Variants in SLC25A26 observed in about 807,000 individuals in gnomAD.
SLC25A26 encodes mitochondrial S-adenosylmethionine carrier protein.
A neutral mutation model predicts 37.8 loss-of-function variants in SLC25A26; 36 were observed. That is an observed-to-expected ratio of 0.95 (90% CI 0.73 to 1.26). The LOEUF (loss-of-function observed/expected upper bound fraction) is 1.26, where lower values mean the gene tolerates loss of function less well. SLC25A26 is among the 50% of genes most tolerant of loss of function. The probability of loss-of-function intolerance (pLI) is 0.00; values close to 1 mark genes in which losing one functional copy is unlikely to be tolerated. For synonymous variants in SLC25A26, 129 were observed against 122.5 expected (o/e 1.05, Z -0.35); for missense variants, 390 against 331.1 (o/e 1.18, Z -1.38).
chr3:66,294,436 C>T (rs1050250395), intron 5 of SLC25A26, among the ~76,000 whole-genome samples: 2 of 152,056 alleles, frequency 1.3e-5, no homozygotes, highest in Admixed American at 6.6e-5. Context: ...ATGGGGTTTT[C>T]TAGATATATG....
intron 3 of SLC25A26, among the ~76,000 whole-genome samples, chr3:66,253,777 C>G (rs1433734284): frequency 1.3e-5 from 2 of 152,186 alleles, no homozygotes; most frequent in African/African-American, 4.8e-5. Context: ...CCATTGCCAC[C>G]TCCTCAACGT....
chr3:66,291,045 G>A (rs1212459302), intron 5 of SLC25A26, among the ~76,000 whole-genome samples: 1 of 152,128 alleles, frequency 6.6e-6, no homozygotes, highest in Non-Finnish European at 1.5e-5. Context: ...AGTCTTGGGA[G>A]GGTGTATGGG....
At chr3:66,176,102 TTG>T (rs2070582627) in intron 1 of SLC25A26, among the ~76,000 whole-genome samples, 1 of 152,152 alleles carries the variant, frequency 6.6e-6, no homozygotes, top group Non-Finnish European at 1.5e-5. Flanking sequence ...AATGGAATCT[TTG>T]AAAAAACACA....
chr3:66,355,758 C>G (rs2107779699), intron 6 of SLC25A26, among the ~76,000 whole-genome samples: 1 of 152,312 alleles, frequency 6.6e-6, no homozygotes, highest in Non-Finnish European at 1.5e-5. Context: ...ATAGCTTGAT[C>G]AACTACAGTA....
chr3:66,298,298 T>A (rs912350056), intron 5 of SLC25A26, among the ~76,000 whole-genome samples: 1 of 152,246 alleles, frequency 6.6e-6, no homozygotes. Context: ...TGGATATTAT[T>A]ACTAAGCTGG....
chr3:66,269,149 G>A (rs991335329), intron 5 of SLC25A26, among the ~76,000 whole-genome samples: 2 of 152,168 alleles, frequency 1.3e-5, no homozygotes, highest in African/African-American at 2.4e-5. Context: ...GACTCTTCTC[G>A]TTGATACCTT....
chr3:66,257,602 T>G (rs926943650), intron 3 of SLC25A26, among the ~76,000 whole-genome samples: 1 of 152,204 alleles, frequency 6.6e-6, no homozygotes, highest in African/African-American at 2.4e-5. Flanking sequence ...TCTACCTTTT[T>G]TCATTTCCTG....
At chr3:66,275,327 C>G (rs576170849) in intron 5 of SLC25A26, among the ~76,000 whole-genome samples, 4 of 151,888 alleles carry the variant, frequency 2.6e-5, no homozygotes, top group African/African-American at 7.2e-5. Flanking sequence ...TTGCAGCACA[C>G]CAGCATGGCA....
rs893183975 is a variant in SLC25A26, at chr3:66,198,811, C to G, written c.-353-21931C>G. On this transcript the variant is annotated intron_variant, in intron 1 of 10. Transcript: ENST00000676754. ...TTACCCTCACGTTCCCAGTGGCACA[C>G]TTTGACCCTGACCCTTACCTTGACT... Among the ~76,000 whole-genome samples the G allele has an allele frequency of 2.0e-5, 3 of 152,052 alleles. No homozygotes were observed. In the East Asian group the frequency reaches 5.8e-4, roughly 29 times the overall value.
rs763542255 is a variant in SLC25A26, at chr3:66,377,682, T to C, written c.708-8T>C. The C allele has an allele frequency of 3.7e-6, 6 of 1,607,588 alleles. No homozygotes were observed. The South Asian group carries it at 4.4e-5, about 12-fold the overall frequency. On this transcript the variant is annotated splice_polypyrimidine_tract_variant and splice_region_variant and intron_variant, in intron 9 of 9. Coordinates refer to ENST00000354883, the MANE Select transcript of SLC25A26 (RefSeq NM_001379210.1). ...GCACAACATTAAAAATCCTGTTTTT[T>C]CCCCTAGATTATTTGCAGGTGTCTT...
intron 6 of SLC25A26, among the ~76,000 whole-genome samples, chr3:66,353,539 A>G (rs1214266149): frequency 5.3e-5 from 8 of 152,224 alleles, no homozygotes; most frequent in Non-Finnish European, 7.3e-5. Context: ...GATGTGTTTC[A>G]TAACGTTTTT....
intron 7 of SLC25A26, among the ~76,000 whole-genome samples, chr3:66,365,531 A>G (rs1203495089): frequency 1.3e-5 from 2 of 152,154 alleles, no homozygotes; most frequent in Admixed American, 6.6e-5. Context: ...ATTTGCTACT[A>G]TAGTGGTATT....
intron 3 of SLC25A26, among the ~76,000 whole-genome samples, chr3:66,254,621 G>A (rs1436532746): frequency 2.0e-5 from 3 of 152,246 alleles, no homozygotes; most frequent in African/African-American, 7.2e-5. Context: ...CATTAGATGT[G>A]TGTAAGTATG....
chr3:66,279,290 G>A (rs1327099816), intron 5 of SLC25A26, among the ~76,000 whole-genome samples: 1 of 152,082 alleles, frequency 6.6e-6, no homozygotes, highest in Non-Finnish European at 1.5e-5. Context: ...TATTCACTGT[G>A]TTTGGGCTTC....
chr3:66,157,300 T>G (rs1277364859), intron 1 of SLC25A26, among the ~76,000 whole-genome samples: 1 of 152,212 alleles, frequency 6.6e-6, no homozygotes, highest in Non-Finnish European at 1.5e-5. Context: ...CTAAAAGCTT[T>G]GCTTGCAGGC....
intron 5 of SLC25A26, among the ~76,000 whole-genome samples, chr3:66,345,262 C>T (rs768415992): frequency 6.6e-6 from 1 of 152,168 alleles, no homozygotes; most frequent in Non-Finnish European, 1.5e-5. Flanking sequence ...CTAGCATTGA[C>T]TGATTTGGTG....
At chr3:66,187,322 A>G (rs1237730533) in intron 1 of SLC25A26, among the ~76,000 whole-genome samples, 1 of 151,796 alleles carries the variant, frequency 6.6e-6, no homozygotes, top group African/African-American at 2.4e-5. Flanking sequence ...CTTGGATCAA[A>G]TCGTATACTC....
intron 1 of SLC25A26, among the ~76,000 whole-genome samples, chr3:66,206,680 G>A (rs1022058035): frequency 3.3e-5 from 5 of 150,818 alleles, no homozygotes; most frequent in East Asian, 3.9e-4. Flanking sequence ...TATTTGCATC[G>A]CTCAGCAAGC....
chr3:66,340,739 T>G (rs1364442885), intron 5 of SLC25A26, among the ~76,000 whole-genome samples: 1 of 152,148 alleles, frequency 6.6e-6, no homozygotes, highest in Non-Finnish European at 1.5e-5. Context: ...TTGATTATAG[T>G]AGTTTTAGAG....
Sources: allele counts gnomAD v4.1 joint callset (sites outside exome capture counted in the v4.1 genomes callset), GRCh38; gene constraint gnomAD v4.1.1; transcripts MANE v1.5; gene names NCBI Gene and HGNC (gene_info 2026-07-23, HGNC 2026-07-21).